Variants in COL24A1 observed in about 807,000 individuals in gnomAD.
COL24A1 encodes collagen type XXIV alpha 1 chain, also known as collagen alpha-1(XXIV) chain.
A neutral mutation model predicts 253.9 loss-of-function variants in COL24A1; 224 were observed. The ratio of observed to expected loss-of-function variants is 0.88; its 90% CI spans 0.79 to 0.99. The LOEUF is 0.99. COL24A1 is among the 50% of genes least tolerant of loss of function. The pLI is 0.00. For synonymous variants in COL24A1, 685 were observed against 673.7 expected (o/e 1.02, Z -0.26); for missense variants, 2,131 against 2,068.5 (o/e 1.03, Z -0.59).
At chr1:86,068,115 G>A (rs1701623757) in intron 7 of COL24A1, among the ~76,000 whole-genome samples, 1 of 152,142 alleles carries the variant, frequency 6.6e-6, no homozygotes. Context: ...TACGCTATTC[G>A]TCCCCTCTCC....
chr1:86,131,061 C>T (rs997572556), intron 2 of COL24A1, among the ~76,000 whole-genome samples: 1 of 151,838 alleles, frequency 6.6e-6, no homozygotes. Context: ...TACTTTATTT[C>T]CTTGAATATC....
At chr1:85,834,507 A>T (rs115239169) in intron 43 of COL24A1, among the ~76,000 whole-genome samples, 192 of 152,310 alleles carry the variant, frequency 1.3e-3, no homozygotes, top group African/African-American at 4.1e-3. Context: ...ATGATGTCCA[A>T]TAGCTATTTA....
At chr1:85,830,760 A>T (rs1282063991) in intron 43 of COL24A1, among the ~76,000 whole-genome samples, 3 of 152,144 alleles carry the variant, frequency 2.0e-5, no homozygotes, top group Non-Finnish European at 4.4e-5. Context: ...CGAGTGAGGC[A>T]ATGCCTTGCC....
intron 14 of COL24A1, among the ~76,000 whole-genome samples, chr1:86,027,277 C>T (rs931228070): frequency 1.3e-5 from 2 of 152,084 alleles, no homozygotes. Flanking sequence ...TAATGAGAAG[C>T]CAAGTGTTAA....
rs1706322141 is a variant in COL24A1 at position 86,118,067 on chromosome 1, T to TTC, written c.1492-2690_1492-2689insGA. 3.0e-3 allele frequency among the ~76,000 whole-genome samples: 5 copies of TTC among 1,648 alleles called. No homozygotes were observed. In the South Asian group the frequency reaches 0.17, roughly 55 times the overall value. 1.1% of individuals were successfully genotyped at this position (1,648 alleles called of 152,430 possible). ...ACCAGTAAACAGTAGTCTAATTAACTTTTTTTTTTTTTCGAGATGGAGTCT... is the reference window on the plus strand; with the variant it reads ...ACCAGTAAACAGTAGTCTAATTAACTTCTTTTTTTTTTTTCGAGATGGAGTCT... On this transcript the variant is annotated intron_variant, in intron 3 of 59. Coordinates refer to ENST00000370571, the MANE Select transcript of COL24A1 (RefSeq NM_152890.7).
At chr1:85,806,507 T>C (rs1020232062) in intron 47 of COL24A1, among the ~76,000 whole-genome samples, 2 of 152,248 alleles carry the variant, frequency 1.3e-5, no homozygotes, top group Non-Finnish European at 2.9e-5. Context: ...AGCAGCCATA[T>C]GTAAATAAAT....
chr1:86,024,893 CTTTT>C (rs34491939), intron 14 of COL24A1, among the ~76,000 whole-genome samples: 1 of 152,006 alleles, frequency 6.6e-6, no homozygotes, highest in African/African-American at 2.4e-5. Flanking sequence ...ATATTCTTAA[CTTTT>C]TTCAGTAAGT....
At chr1:85,754,551 A>T (rs28887912) in intron 55 of COL24A1, among the ~76,000 whole-genome samples, 29 of 32,232 alleles carry the variant, frequency 9.0e-4, no homozygotes, top group South Asian at 5.6e-3. Context: ...AAAAAAAATT[A>T]AAAAAAAAAA....
intron 24 of COL24A1, among the ~76,000 whole-genome samples, chr1:85,953,245 G>A (rs1432777311): frequency 2.0e-5 from 3 of 152,058 alleles, no homozygotes; most frequent in African/African-American, 7.2e-5. Flanking sequence ...CAACCAAAAT[G>A]CCACCCCTCG....
chr1:86,022,782 A>G (rs1305700879), intron 16 of COL24A1, 51 bp downstream of exon 16: 8 of 1,344,098 alleles, frequency 6.0e-6, no homozygotes, highest in Non-Finnish European at 7.9e-6. Context: ...ACTGAAAAGT[A>G]AAAGACAAAT....
intron 5 of COL24A1, among the ~76,000 whole-genome samples, chr1:86,092,614 A>G (rs957087335): frequency 8.6e-5 from 13 of 151,866 alleles, no homozygotes; most frequent in Admixed American, 8.5e-4. Flanking sequence ...AGGTAGATTT[A>G]TTATTTTTTC....
intron 12 of COL24A1, among the ~76,000 whole-genome samples, chr1:86,045,279 C>T (rs749009034): frequency 3.7e-4 from 57 of 152,102 alleles, no homozygotes; most frequent in Non-Finnish European, 6.3e-4. Context: ...TGTGAGCCAC[C>T]GCGCCCAGCC....
chr1:85,872,652 C>T lies in COL24A1; in HGVS notation c.3138+1997G>A, dbSNP rs557085170. Among the ~76,000 whole-genome samples the T allele has an allele frequency of 3.9e-3, 593 of 152,092 alleles. 4 individuals are homozygous for T. Among genetic ancestry groups the T allele is most frequent in the African/African-American group, 0.013 (556 of 41,530 alleles). ...CTAGCCATATGTAGAAAGCTGAAAA[C>T]GGATCCCTTTCTTACACCTTATACA... On this transcript the variant is annotated intron_variant, in intron 35 of 59. Coordinates refer to ENST00000370571, the MANE Select transcript of COL24A1 (RefSeq NM_152890.7).
chr1:86,001,753 A>ATATATACACACACACACAAAGG (rs1254698503), intron 19 of COL24A1, among the ~76,000 whole-genome samples: 2 of 152,160 alleles, frequency 1.3e-5, no homozygotes. Context: ...GGGAGGAAAT[A>ATATATACACACACACACAAAGG]TATATACACA....
chr1:86,017,301 TTA>T, intron 18 of COL24A1, 97 bp from the exon 19 acceptor site: 1 of 1,047,736 alleles, frequency 9.5e-7, no homozygotes, highest in South Asian at 1.7e-5. Context: ...CAGTCAGTCA[TTA>T]TATTATCATG....
chr1:86,121,699 A>T (rs1182056120), intron 3 of COL24A1, among the ~76,000 whole-genome samples: 1 of 152,158 alleles, frequency 6.6e-6, no homozygotes, highest in Non-Finnish European at 1.5e-5. Flanking sequence ...TCATGATGAC[A>T]CGGTTGTAGA....
At chr1:86,106,935 C>T (rs1431753653) in intron 5 of COL24A1, among the ~76,000 whole-genome samples, 2 of 152,092 alleles carry the variant, frequency 1.3e-5, no homozygotes, top group Non-Finnish European at 2.9e-5. Flanking sequence ...TATTGTTTAA[C>T]AATTTAACAA....
chr1:86,000,408 C>T (rs1423635134), intron 19 of COL24A1, among the ~76,000 whole-genome samples: 1 of 152,084 alleles, frequency 6.6e-6, no homozygotes, highest in African/African-American at 2.4e-5. Flanking sequence ...ATAGCAGAAA[C>T]CTAATACTTT....
At chr1:85,996,637 A>AAAAC (rs1558943180) in intron 19 of COL24A1, among the ~76,000 whole-genome samples, 1 of 152,104 alleles carries the variant, frequency 6.6e-6, no homozygotes, top group East Asian at 1.9e-4. Flanking sequence ...CTCCATCTCA[A>AAAAC]AAAACAAAAC....
Sources: allele counts gnomAD v4.1 joint callset (sites outside exome capture counted in the v4.1 genomes callset), GRCh38; gene constraint gnomAD v4.1.1; transcripts MANE v1.5; gene names NCBI Gene and HGNC (gene_info 2026-07-23, HGNC 2026-07-21).